PRDX3: variants seen among roughly 807,000 people sequenced by gnomAD.
PRDX3 encodes the protein peroxiredoxin 3, also known as thioredoxin-dependent peroxide reductase, mitochondrial.
Under a neutral mutation model 30.4 loss-of-function variants are expected in PRDX3, and 20 were observed. That is an observed-to-expected ratio of 0.66 (90% CI 0.46 to 0.96). The LOEUF (loss-of-function observed/expected upper bound fraction) is 0.96. Ranked by LOEUF, PRDX3 falls within the 40% of genes least tolerant of loss-of-function variation. The pLI, the probability that PRDX3 is intolerant of heterozygous loss-of-function variation, is 0.00. For missense variants in PRDX3, 322 were observed against 318.3 expected (o/e 1.01, Z -0.09); for synonymous variants, 124 against 117.8 (o/e 1.05, Z -0.34).
Position 119,177,077 on chromosome 10 carries a change from G to A in PRDX3, c.113C>T (p.Thr38Met), listed in dbSNP as rs761080525. 2.0e-5 allele frequency: 32 copies of A among 1,614,062 alleles called. No individual in the cohort carries two copies. Among genetic ancestry groups the A allele is most frequent in the Admixed American group, 8.3e-5 (5 of 60,018 alleles). The change falls in exon 2 of 7, where the codon ACG (threonine) becomes ATG (methionine). Residue 38 changes from threonine to methionine, a missense_variant. Thr to Met is a moderately conservative substitution (Grantham distance 81). Transcript: ENST00000298510. ...AGAACACAATAAATTTGTCAAGCTC[G>A]TTCTTCCACATGCAGCAGGCCTGAG... ...AALRPAACGRTSLTNLLCSGS... is the reference protein window; with the variant it reads ...AALRPAACGRMSLTNLLCSGS...
At chr10:119,178,188 A>G (rs1848086118) in intron 1 of PRDX3, among the ~76,000 whole-genome samples, 1 of 152,094 alleles carries the variant, frequency 6.6e-6, no homozygotes, top group Admixed American at 6.6e-5. Context: ...AATGTTCAAA[A>G]TGACTCAGGA....
chr10:119,173,991 C>G, intron 3 of PRDX3, 119 bp from the exon 4 acceptor site: 1 of 939,294 alleles, frequency 1.1e-6, no homozygotes, highest in South Asian at 1.7e-5. Flanking sequence ...GTTTACCATC[C>G]TCACTGGACT....
At chr10:119,168,554 T>A in intron 6 of PRDX3, 21 bp from the exon 7 acceptor site, 1 of 1,613,070 alleles carries the variant, frequency 6.2e-7, no homozygotes, top group East Asian at 2.2e-5. Context: ...AAAAGCTTAA[T>A]TAGGTAACTG....
rs548327727 is a variant in PRDX3 at position 119,169,290 on chromosome 10, C to G, written c.604G>C (p.Asp202His). 1 of 1,614,070 alleles carries G rather than the reference C, an allele frequency of 6.2e-7. No individual in the cohort carries two copies. Among genetic ancestry groups the G allele is most frequent in the African/African-American group, 1.3e-5 (1 of 75,014 alleles). The part of the protein sequence containing the change: ...NGVIKHLSVN[D>H]LPVGRSVEET... ...TCCACGCTTCGGCCCACTGGGAGATCGTTGACGCTCAAATGCTTGATGACT... is the reference window on the plus strand; with the variant it reads ...TCCACGCTTCGGCCCACTGGGAGATGGTTGACGCTCAAATGCTTGATGACT... The change falls in exon 6 of 7, where the codon GAT becomes CAT. Residue 202 changes from aspartate (D) to histidine (H), a missense_variant. Coordinates refer to ENST00000298510, the MANE Select transcript of PRDX3 (RefSeq NM_006793.5).
chr10:119,175,545 G>A lies in PRDX3; in HGVS notation c.170-953C>T, dbSNP rs34324311. Among the ~76,000 whole-genome samples the A allele has an allele frequency of 7.5e-3, 1,135 of 150,530 alleles. 16 individuals carry two copies. The highest frequency in any genetic ancestry group is 0.028 in the South Asian group (134 of 4,742). On this transcript the variant is annotated intron_variant, in intron 2 of 6. Transcript: ENST00000298510. ...CGAGTAGCTGGGACCACAGGCGCCCGCCACCCCGCCCGGCTAATTTTTTGT... is the reference window on the plus strand; with the variant it reads ...CGAGTAGCTGGGACCACAGGCGCCCACCACCCCGCCCGGCTAATTTTTTGT...
intron 5 of PRDX3, 32 bp from the exon 6 acceptor site, chr10:119,169,374 A>AAC: frequency 6.3e-7 from 1 of 1,592,714 alleles, no homozygotes; most frequent in Non-Finnish European, 8.6e-7. Context: ...TCAGTGCCTC[A>AAC]ACAGTACCAG....
intron 4 of PRDX3, 98 bp downstream of exon 4, chr10:119,173,639 T>C: frequency 1.5e-6 from 2 of 1,368,366 alleles, no homozygotes; most frequent in Non-Finnish European, 2.0e-6. Context: ...AACCCAACCC[T>C]TGCGTAATTT....
At position 119,177,329 on chromosome 10, in the gene PRDX3, T is replaced by C. The variant is rs148678115; in HGVS notation, c.37-176A>G. On this transcript the variant is annotated intron_variant, in intron 1 of 6. Transcript: ENST00000298510. ...TTCTTAACACTCCCTTCTGCTTCCT[T>C]CTCCTAGGAGACTGGAAGGTGGAGA... 2.4e-3 allele frequency among the ~76,000 whole-genome samples: 360 copies of C among 152,278 alleles called. 1 individual carries two copies. The highest frequency in any genetic ancestry group is 0.017 in the Middle Eastern group (5 of 294).
At chr10:119,171,874 C>T (rs1847915592) in intron 5 of PRDX3, among the ~76,000 whole-genome samples, 2 of 152,214 alleles carry the variant, frequency 1.3e-5, no homozygotes, top group South Asian at 4.1e-4. Context: ...GAGACTACCT[C>T]TTACCCTGCT....
Position 119,173,788 on chromosome 10 carries a change from G to C in PRDX3, c.396C>G (p.Val132=), listed in dbSNP as rs1222699947. ...FHDVNCEVVA[V]SVDSHFSHLA... ...GATGGCTAAAGTGGGAATCCACTGA[G>C]ACTGCGACAACTTCACAGTTCACGT... is the stretch of plus-strand genomic sequence containing the variant. The change falls in exon 4 of 7, where the codon GTC becomes GTG. Residue 132 remains valine (V), a synonymous_variant. Coordinates refer to ENST00000298510, the MANE Select transcript of PRDX3 (RefSeq NM_006793.5). 4 of 1,612,514 alleles carry C rather than the reference G, an allele frequency of 2.5e-6. No homozygotes were observed. Among genetic ancestry groups the C allele is most frequent in the Non-Finnish European group, 3.4e-6 (4 of 1,179,786 alleles).
At chr10:119,174,024 A>T in intron 3 of PRDX3, 152 bp from the exon 4 acceptor site, 1 of 620,510 alleles carries the variant, frequency 1.6e-6, no homozygotes, top group Non-Finnish European at 2.6e-6. Context: ...TGGCAAAAGT[A>T]CTACTACCTC....
chr10:119,172,444 G>A lies in PRDX3; in HGVS notation c.489C>T (p.Asp163=). The change falls in exon 5 of 7, where the codon GAC becomes GAT. Residue 163 remains aspartate (D), a synonymous_variant. Coordinates refer to ENST00000298510, the MANE Select transcript of PRDX3 (RefSeq NM_006793.5). Reference sequence around the variant, plus strand: ...AGTCTCGGGAAATCTGCTTAGTTAAGTCTGACAAGAGTGCGATGTTCATGT... The same window carrying A: ...AGTCTCGGGAAATCTGCTTAGTTAAATCTGACAAGAGTGCGATGTTCATGT... ...LGHMNIALLS[D]LTKQISRDYG... is the part of the protein sequence containing the mutation. 6.2e-7 allele frequency: 1 copy of A among 1,614,178 alleles called. No individual in the cohort carries two copies. Among genetic ancestry groups the A allele is most frequent in the East Asian group, 2.2e-5 (1 of 44,888 alleles).
intron 6 of PRDX3, 134 bp from the exon 7 acceptor site, chr10:119,168,667 A>G: frequency 6.8e-7 from 1 of 1,463,680 alleles, no homozygotes; most frequent in Non-Finnish European, 9.0e-7. Flanking sequence ...CATAAAGATG[A>G]AAGTTTCATT....
intron 4 of PRDX3, among the ~76,000 whole-genome samples, 199 bp from the exon 5 acceptor site, chr10:119,172,684 C>T (rs1270018144): frequency 6.6e-6 from 1 of 152,090 alleles, no homozygotes; most frequent in African/African-American, 2.4e-5. Flanking sequence ...GAAACTGAGG[C>T]AAGAAAAACC....
At chr10:119,175,025 C>G (rs548576583) in intron 2 of PRDX3, among the ~76,000 whole-genome samples, 17 of 152,338 alleles carry the variant, frequency 1.1e-4, no homozygotes, top group African/African-American at 4.1e-4. Context: ...ACCACAGATG[C>G]AGAATCCAGA....
intron 5 of PRDX3, among the ~76,000 whole-genome samples, chr10:119,171,838 A>C (rs1847914789): frequency 6.6e-6 from 1 of 152,230 alleles, no homozygotes; most frequent in African/African-American, 2.4e-5. Context: ...GTTTGGTTCC[A>C]GGGCTGAAGA....
chr10:119,174,968 T>C (rs1847993064), intron 2 of PRDX3, among the ~76,000 whole-genome samples: 1 of 152,170 alleles, frequency 6.6e-6, no homozygotes. Flanking sequence ...GTGTTCAGTA[T>C]AGACACAACC....
intron 5 of PRDX3, chr10:119,170,304 G>A (rs1211774083): frequency 6.6e-6 from 1 of 152,260 alleles, no homozygotes; most frequent in Non-Finnish European, 1.5e-5. Flanking sequence ...CCTGGGGTTT[G>A]AGGTGAAACT....
chr10:119,169,211 A>G lies in PRDX3; in HGVS notation c.683T>C (p.Val228Ala). ...AFQYVETHGE[V>A]CPANWTPDSP... is the part of the protein sequence containing the mutation. ...ATCCGGTGTCCAGTTCGCTGGGCAGACTTCTCCATGTGTTTCTACATACTG... is the reference window on the plus strand; with the variant it reads ...ATCCGGTGTCCAGTTCGCTGGGCAGGCTTCTCCATGTGTTTCTACATACTG... The change falls in exon 6 of 7, where the codon GTC (valine) becomes GCC (alanine). Residue 228 changes from valine to alanine, a missense_variant. By Grantham distance (64) the Val-to-Ala change is moderately conservative. Transcript: ENST00000298510. 1 of 1,612,730 alleles carries G rather than the reference A, an allele frequency of 6.2e-7. No homozygotes were observed. Among genetic ancestry groups the G allele is most frequent in the African/African-American group, 1.3e-5 (1 of 74,986 alleles).
Sources: gnomAD v4.1 joint callset for allele counts (sites outside exome capture counted in the v4.1 genomes callset) on GRCh38, gnomAD v4.1.1 for gene constraint, MANE v1.5 for transcripts, NCBI Gene and HGNC (gene_info 2026-07-23, HGNC 2026-07-21) for gene names.